HEATR4: variants seen among roughly 807,000 people sequenced by gnomAD.
The protein encoded by HEATR4 is HEAT repeat containing 4.
Under a neutral mutation model 108.8 loss-of-function variants are expected in HEATR4, and 95 were observed. The ratio of observed to expected loss-of-function variants is 0.87; its 90% CI spans 0.74 to 1.04. The LOEUF is 1.04. Among genes scored for constraint, HEATR4 ranks in the 50% least tolerant of loss-of-function variants. The pLI is 0.00. For synonymous variants in HEATR4, 443 were observed against 459.4 expected, an observed-to-expected ratio of 0.96 and a Z score of 0.46; for missense variants, 1,152 against 1,253.8, an observed-to-expected ratio of 0.92 and a Z score of 1.23.
intron 7 of HEATR4, among the ~76,000 whole-genome samples, chr14:73,510,110 C>T (rs1160438257): frequency 6.6e-6 from 1 of 151,644 alleles, no homozygotes; most frequent in Non-Finnish European, 1.5e-5. Flanking sequence ...ATCCACCTGC[C>T]TCAGCCTCCC....
At position 73,492,407 on chromosome 14, in the gene HEATR4, G is replaced by T. The variant is rs752096493; in HGVS notation, c.2844+659C>A. On this transcript the variant is annotated intron_variant, in intron 17 of 17. Coordinates refer to ENST00000553558, the MANE Select transcript of HEATR4 (RefSeq NM_001220484.1). The surrounding 1 kb of genome is among the most constrained non-coding windows in gnomAD (Gnocchi z 4.9). ...CCGAGACTTCATGGATTACATGGGGGCCCAGCATTCAGATTCTAAGGATCC... is the reference window on the plus strand; with the variant it reads ...CCGAGACTTCATGGATTACATGGGGTCCCAGCATTCAGATTCTAAGGATCC... 3 of 1,613,810 alleles carry T rather than the reference G, an allele frequency of 1.9e-6. No individual in the cohort carries two copies. Among genetic ancestry groups the T allele is most frequent in the East Asian group, 4.5e-5 (2 of 44,872 alleles).
At chr14:73,557,977 A>G (rs1889426422) in intron 1 of HEATR4, among the ~76,000 whole-genome samples, 1 of 90,296 alleles carries the variant, frequency 1.1e-5, no homozygotes, top group African/African-American at 4.1e-5. Flanking sequence ...CTATGCCTGG[A>G]ATAGATATGG....
chr14:73,612,635 G>A, the HEATR4 span: 118 of 1,402,902 alleles, frequency 8.4e-5, no homozygotes, highest in African/African-American at 9.2e-4. Flanking sequence ...GCTGCGCATC[G>A]CAGTGCGCGG....
chr14:73,498,347 G>T lies in HEATR4; in HGVS notation c.2357-3C>A. 1.9e-6 allele frequency: 3 copies of T among 1,588,956 alleles called. No individual in the cohort carries two copies. Among genetic ancestry groups the T allele is most frequent in the Non-Finnish European group, 2.6e-6 (3 of 1,162,700 alleles). On this transcript the variant is annotated splice_region_variant and splice_polypyrimidine_tract_variant and intron_variant, in intron 13 of 17. Transcript: ENST00000553558. ...TACTTGCCCAATCTGTCCCAAAGCT[G>T]CAGAGATTAGAGGGCAGCATGTCAC...
chr14:73,593,765 G>T, the HEATR4 span: 1 of 1,613,588 alleles, frequency 6.2e-7, no homozygotes, highest in Non-Finnish European at 8.5e-7. Context: ...TTGGAATATC[G>T]AGCCAGCCTC....
At chr14:73,516,799 T>C (rs8019967) in intron 5 of HEATR4, among the ~76,000 whole-genome samples, 27,655 of 152,138 alleles carry the variant, frequency 0.18, 3,300 homozygotes, top group East Asian at 0.43. Context: ...TACTGTGAAC[T>C]GCACATGTGA....
intron 17 of HEATR4, among the ~76,000 whole-genome samples, chr14:73,485,463 C>T (rs920389555): frequency 2.7e-5 from 4 of 149,076 alleles, no homozygotes; most frequent in African/African-American, 7.5e-5. Flanking sequence ...AGTGCAGTGG[C>T]GCCATCTCAG....
the HEATR4 span, among the ~76,000 whole-genome samples, chr14:73,576,965 C>G: frequency 7.2e-6 from 1 of 139,472 alleles, no homozygotes; most frequent in Non-Finnish European, 1.5e-5. Flanking sequence ...GGGTCTCACT[C>G]TGTTGCCCAG....
In HEATR4 at chr14:73,522,692, G is replaced by C. The variant is rs766247291; in HGVS notation, c.461C>G (p.Ala154Gly). The C allele has an allele frequency of 9.3e-6, 15 of 1,614,122 alleles. No homozygotes were observed. Among genetic ancestry groups the C allele is most frequent in the Non-Finnish European group, 1.3e-5 (15 of 1,180,050 alleles). Residue 154 changes from alanine (A) to glycine (G), a missense_variant, in exon 3 of 18, where the codon GCC becomes GGC. By Grantham distance (60) the Ala-to-Gly change is moderately conservative. Coordinates refer to ENST00000553558, the MANE Select transcript of HEATR4 (RefSeq NM_001220484.1). ...GCGGGGTGCTTCCCGGACGGTGCTG[G>C]CTGGCTTTGATTTCTTCAGCTTCTT... ...PEKKLKKSKP[A>G]STVREAPRPL... is the part of the protein sequence containing the mutation.
chr14:73,569,845 G>A, the HEATR4 span: 2 of 1,604,848 alleles, frequency 1.2e-6, no homozygotes, highest in Non-Finnish European at 1.7e-6. Context: ...GAGCCGGTGC[G>A]CGTGGGCCGG....
intron 1 of HEATR4, among the ~76,000 whole-genome samples, chr14:73,530,794 A>ATTTTTT (rs59208614): frequency 1.0e-4 from 6 of 57,782 alleles, no homozygotes; most frequent in Non-Finnish European, 1.6e-4. Flanking sequence ...TCTCGGTTAA[A>ATTTTTT]TTTTTTTTTT....
chr14:73,513,909 G>T, intron 6 of HEATR4, 122 bp downstream of exon 6: 2 of 983,370 alleles, frequency 2.0e-6, no homozygotes, highest in Non-Finnish European at 1.6e-6. Flanking sequence ...GCCTTAATGA[G>T]GCAACCAGAT....
chr14:73,485,991 G>A (rs866506478), intron 17 of HEATR4, among the ~76,000 whole-genome samples: 1 of 152,112 alleles, frequency 6.6e-6, no homozygotes, highest in African/African-American at 2.4e-5. Context: ...TGGGATTATC[G>A]GTGTTAGCCA....
the HEATR4 span, among the ~76,000 whole-genome samples, chr14:73,579,296 G>A: frequency 2.3e-5 from 3 of 129,434 alleles, no homozygotes; most frequent in Admixed American, 8.1e-5. Flanking sequence ...AAAAAAAAAC[G>A]CTGGGTGTGG....
chr14:73,520,761 A>G lies in HEATR4; in HGVS notation c.1069+91T>C, dbSNP rs1887922829. 2.6e-5 allele frequency: 32 copies of G among 1,229,484 alleles called. No homozygotes were observed. In the South Asian group the frequency reaches 4.4e-4, roughly 17 times the overall value. 76.2% of individuals were successfully genotyped at this position (1,229,484 alleles called of 1,614,324 possible). On this transcript the variant is annotated intron_variant, in intron 4 of 17. Coordinates refer to ENST00000553558, the MANE Select transcript of HEATR4 (RefSeq NM_001220484.1). ...CTGGGTCATCCAGGGCCTCTTGTCC[A>G]TACCCACAACTGTTTCCAGCCCCCA...
rs769788840 is a variant in HEATR4, at chr14:73,502,893, A to C, written c.2105+2T>G. 6.2e-7 allele frequency: 1 copy of C among 1,607,324 alleles called. No homozygotes were observed. The highest frequency in any genetic ancestry group is 1.1e-5 in the South Asian group (1 of 90,926). ...TGTCTCCTCATGTTGACTGGGTCTT[A>C]CCTGATTATGTCGTGCACCTCTTTC... On this transcript the variant is annotated splice_donor_variant, in intron 11 of 17. Coordinates refer to ENST00000553558, the MANE Select transcript of HEATR4 (RefSeq NM_001220484.1). LOFTEE classifies it high-confidence loss of function.
At chr14:73,622,613 T>C in the HEATR4 span, among the ~76,000 whole-genome samples, 165 of 152,118 alleles carry the variant, frequency 1.1e-3, no homozygotes, top group African/African-American at 3.8e-3. Flanking sequence ...TTGGTCAGGC[T>C]GGTCTCGAAC....
Position 73,533,904 on chromosome 14 carries a change from G to C in HEATR4, c.-151-3660C>G, listed in dbSNP as rs1404736696. 3.6e-4 allele frequency among the ~76,000 whole-genome samples: 37 copies of C among 101,540 alleles called. 12 individuals are homozygous for C. In the Admixed American group the frequency reaches 3.8e-3, roughly 11 times the overall value. The allele number at this position is 101,540 out of a possible 152,430, so 66.6% of individuals were successfully genotyped here. ...TCTAAAAAAAAAAAAAAAAAAAAAA[G>C]GTTAAAATGAGGCCATGCATGCCTA... On this transcript the variant is annotated intron_variant, in intron 1 of 17. Transcript: ENST00000553558.
rs141489673 is a variant in HEATR4 at position 73,478,769 on chromosome 14, C to T, written c.2918G>A (p.Arg973His). The T allele has an allele frequency of 4.3e-5, 69 of 1,613,848 alleles. No homozygotes were observed. In the African/African-American group the frequency reaches 7.5e-4, roughly 17 times the overall value. Residue 973 changes from arginine to histidine, a missense_variant, in exon 18 of 18, where the codon CGT becomes CAT. Transcript: ENST00000553558. Reference sequence around the variant, plus strand: ...GCGTAGATCTTTGACAAGTGATGAACGAACTTTGCTTCGTGTGGTTAGGCC... The same window carrying T: ...GCGTAGATCTTTGACAAGTGATGAATGAACTTTGCTTCGTGTGGTTAGGCC... Reference protein sequence around the residue: ...VPGLTTRSKVRSSLVKDLRTS... With the variant: ...VPGLTTRSKVHSSLVKDLRTS...
Sources: allele counts gnomAD v4.1 joint callset (sites outside exome capture counted in the v4.1 genomes callset), GRCh38; gene constraint gnomAD v4.1.1; non-coding constraint Gnocchi (gnomAD v3.1); transcripts MANE v1.5; gene names NCBI Gene and HGNC (gene_info 2026-07-23, HGNC 2026-07-21).